SPMIP2: variants seen among roughly 807,000 people sequenced by gnomAD.
SPMIP2 encodes the protein sperm microtubule inner protein 2, also known as protein SPMIP2.
the SPMIP2 span, among the ~76,000 whole-genome samples, chr4:158,945,415 T>TACTG: frequency 6.6e-6 from 1 of 152,214 alleles, no homozygotes; most frequent in Non-Finnish European, 1.5e-5. Context: ...ATTATTGATT[T>TACTG]ACTGACTGAA....
chr4:158,922,191 C>T, the SPMIP2 span, among the ~76,000 whole-genome samples: 1,062 of 152,156 alleles, frequency 7.0e-3, 12 homozygotes, highest in Non-Finnish European at 0.011. Context: ...CCCAGCCTTA[C>T]ATATTTACTT....
the SPMIP2 span, among the ~76,000 whole-genome samples, chr4:158,945,517 C>T: frequency 6.6e-6 from 1 of 152,180 alleles, no homozygotes; most frequent in African/African-American, 2.4e-5. Flanking sequence ...ATTTGGAATA[C>T]AGTGAGTTCC....
the SPMIP2 span, among the ~76,000 whole-genome samples, chr4:159,070,970 T>C: frequency 6.6e-6 from 1 of 152,154 alleles, no homozygotes; most frequent in Non-Finnish European, 1.5e-5. Context: ...TCAGCAATGA[T>C]GATGAGCACT....
chr4:158,916,184 G>GT, the SPMIP2 span, among the ~76,000 whole-genome samples: 1 of 152,170 alleles, frequency 6.6e-6, no homozygotes, highest in African/African-American at 2.4e-5. Context: ...ACAAGGCACC[G>GT]TGAGGACCAG....
chr4:158,895,523 A>T, the SPMIP2 span, among the ~76,000 whole-genome samples: 1 of 152,262 alleles, frequency 6.6e-6, no homozygotes, highest in Non-Finnish European at 1.5e-5. Flanking sequence ...CTAGAATAAT[A>T]CATATGTAAA....
the SPMIP2 span, among the ~76,000 whole-genome samples, chr4:159,003,366 C>A: frequency 2.0e-5 from 3 of 152,194 alleles, no homozygotes; most frequent in African/African-American, 7.2e-5. Context: ...CCACATCTAA[C>A]AACCTCATAT....
At chr4:159,070,830 T>A in the SPMIP2 span, among the ~76,000 whole-genome samples, 1 of 152,198 alleles carries the variant, frequency 6.6e-6, no homozygotes, top group African/African-American at 2.4e-5. Context: ...AGAGAATATA[T>A]GTTTATGTGG....
chr4:159,026,125 G>T, the SPMIP2 span: 1 of 299,306 alleles, frequency 3.3e-6, no homozygotes, highest in South Asian at 4.1e-5. Flanking sequence ...TGCCCACCAT[G>T]ACCACTGTTC....
the SPMIP2 span, among the ~76,000 whole-genome samples, chr4:158,986,377 T>A: frequency 2.0e-5 from 3 of 152,280 alleles, no homozygotes; most frequent in African/African-American, 7.2e-5. Context: ...CTACCTGACT[T>A]CAAACTATAC....
the SPMIP2 span, among the ~76,000 whole-genome samples, chr4:159,077,935 C>A: frequency 1.3e-5 from 2 of 152,046 alleles, no homozygotes. Context: ...CTTTCATTTT[C>A]TTTTCCAATT....
At chr4:158,926,058 T>C in the SPMIP2 span, among the ~76,000 whole-genome samples, 2,361 of 152,314 alleles carry the variant, frequency 0.016, 73 homozygotes, top group African/African-American at 0.054. Flanking sequence ...GGTTGAGGAC[T>C]TTAACATATG....
chr4:159,029,973 T>C, the SPMIP2 span, among the ~76,000 whole-genome samples: 1 of 152,090 alleles, frequency 6.6e-6, no homozygotes, highest in Non-Finnish European at 1.5e-5. Context: ...GATAGAAAAA[T>C]AAGACTTGAT....
At chr4:159,000,630 A>C in the SPMIP2 span, among the ~76,000 whole-genome samples, 1 of 151,426 alleles carries the variant, frequency 6.6e-6, no homozygotes, top group African/African-American at 2.4e-5. Context: ...AGTATCTGAG[A>C]TTACAGGCAC....
the SPMIP2 span, among the ~76,000 whole-genome samples, chr4:158,935,257 A>G: frequency 6.6e-6 from 1 of 151,826 alleles, no homozygotes; most frequent in Non-Finnish European, 1.5e-5. Context: ...TCCTGCCTCC[A>G]CCTCCACACT....
At chr4:159,016,139 C>T in the SPMIP2 span, among the ~76,000 whole-genome samples, 2 of 152,176 alleles carry the variant, frequency 1.3e-5, no homozygotes, top group Admixed American at 6.5e-5. Context: ...CAATCAAATA[C>T]TTGTGAAACA....
chr4:158,937,744 T>C, the SPMIP2 span, among the ~76,000 whole-genome samples: 1 of 152,124 alleles, frequency 6.6e-6, no homozygotes, highest in African/African-American at 2.4e-5. Flanking sequence ...ACAAAGAAAG[T>C]GAACAGTCTA....
the SPMIP2 span, among the ~76,000 whole-genome samples, chr4:158,896,697 C>T: frequency 1.3e-5 from 2 of 151,746 alleles, no homozygotes; most frequent in African/African-American, 4.8e-5. Context: ...ATAGATTATT[C>T]TTACATACTT....
chr4:159,068,788 A>G, the SPMIP2 span, among the ~76,000 whole-genome samples: 200 of 152,308 alleles, frequency 1.3e-3, no homozygotes, highest in African/African-American at 4.4e-3. Context: ...AATGGAAAAT[A>G]GAAAAGGTAA....
At chr4:158,917,569 CT>C in the SPMIP2 span, among the ~76,000 whole-genome samples, 1 of 151,990 alleles carries the variant, frequency 6.6e-6, no homozygotes, top group African/African-American at 2.4e-5. Context: ...GACTCACAGC[CT>C]TTTGCTTCAA....
Sources: gnomAD v4.1 joint callset for allele counts (sites outside exome capture counted in the v4.1 genomes callset) on GRCh38, gnomAD v4.1.1 for gene constraint, MANE v1.5 for transcripts, NCBI Gene and HGNC (gene_info 2026-07-23, HGNC 2026-07-21) for gene names.